PCDH9: variants seen among roughly 807,000 people sequenced by gnomAD.
PCDH9 encodes protocadherin 9, also known as protocadherin-9.
Under a neutral mutation model 70.6 loss-of-function variants are expected in PCDH9, and 24 were observed. That is an observed-to-expected ratio of 0.34 (90% confidence interval 0.25 to 0.48). PCDH9 has a LOEUF of 0.48. PCDH9 is among the 20% of genes least tolerant of loss of function. PCDH9 has a pLI of 0.99. For missense variants in PCDH9, 1,281 were observed against 1,503.6 expected (o/e 0.85, Z 2.45); for synonymous variants, 562 against 558.5 (o/e 1.01, Z -0.09).
intron 2 of PCDH9, among the ~76,000 whole-genome samples, chr13:67,182,070 T>C (rs2088630969): frequency 6.6e-6 from 1 of 152,182 alleles, no homozygotes; most frequent in Non-Finnish European, 1.5e-5. Flanking sequence ...TTTCACTTGT[T>C]ACCAACATCA....
chr13:67,054,857 T>C (rs1287307940), intron 2 of PCDH9, among the ~76,000 whole-genome samples: 1 of 152,200 alleles, frequency 6.6e-6, no homozygotes, highest in Admixed American at 6.5e-5. Context: ...TCCAGCACTC[T>C]GACTTGTAGG....
intron 4 of PCDH9, among the ~76,000 whole-genome samples, chr13:66,496,667 A>G (rs1001189802): frequency 6.6e-6 from 1 of 152,188 alleles, no homozygotes; most frequent in African/African-American, 2.4e-5. Context: ...TGGAAACAAT[A>G]TGGAACATAA....
chr13:66,697,054 C>T (rs1383594161), intron 3 of PCDH9, among the ~76,000 whole-genome samples: 1 of 152,018 alleles, frequency 6.6e-6, no homozygotes, highest in East Asian at 1.9e-4. Flanking sequence ...GCCATGATCA[C>T]ACCACTGCAC....
intron 4 of PCDH9, among the ~76,000 whole-genome samples, chr13:66,327,552 C>T (rs1955869522): frequency 2.0e-5 from 3 of 152,068 alleles, no homozygotes; most frequent in South Asian, 2.1e-4. Context: ...CAAAAATAAG[C>T]ACTATGTAAG....
At chr13:66,577,016 A>C (rs1566430852) in intron 4 of PCDH9, among the ~76,000 whole-genome samples, 1 of 152,052 alleles carries the variant, frequency 6.6e-6, no homozygotes, top group Non-Finnish European at 1.5e-5. Context: ...AACTGCTTGA[A>C]TAAAAACAAC....
At chr13:66,437,404 C>CAAAAAAAAAAAAAAAAAAAAAAAAAAA (rs66796123) in intron 4 of PCDH9, among the ~76,000 whole-genome samples, 1 of 45,600 alleles carries the variant, frequency 2.2e-5, no homozygotes, top group African/African-American at 6.9e-5. Context: ...GACTCTGTCT[C>CAAAAAAAAAAAAAAAAAAAAAAAAAAA]AAAAAAAAAA....
intron 4 of PCDH9, among the ~76,000 whole-genome samples, chr13:66,553,283 T>C (rs546201182): frequency 6.6e-6 from 1 of 152,288 alleles, no homozygotes; most frequent in Admixed American, 6.5e-5. Flanking sequence ...ACCTAGCTTA[T>C]AGCCTAGAGA....
intron 3 of PCDH9, among the ~76,000 whole-genome samples, chr13:66,675,723 C>T (rs1286263941): frequency 6.6e-6 from 1 of 152,022 alleles, no homozygotes; most frequent in Non-Finnish European, 1.5e-5. Flanking sequence ...CTAATAGGCA[C>T]TTAGCCAATA....
intron 4 of PCDH9, among the ~76,000 whole-genome samples, chr13:66,314,031 T>C (rs1955608619): frequency 6.6e-6 from 1 of 152,310 alleles, no homozygotes; most frequent in South Asian, 2.1e-4. Context: ...AATTAATATA[T>C]CACAGCTCAG....
intron 3 of PCDH9, among the ~76,000 whole-genome samples, chr13:66,860,125 T>A (rs1383869463): frequency 6.6e-6 from 1 of 152,172 alleles, no homozygotes; most frequent in East Asian, 1.9e-4. Flanking sequence ...ACAGTTTATA[T>A]TTCCAAACAA....
Position 66,304,258 on chromosome 13 carries a change from G to A in PCDH9, c.*397C>T, listed in dbSNP as rs1257699143. 1 of 14,600 alleles carries A rather than the reference G, an allele frequency of 6.8e-5. No homozygotes were observed. Among genetic ancestry groups the A allele is most frequent in the African/African-American group, 1.2e-3 (1 of 812 alleles). 0.9% of individuals were successfully genotyped at this position (14,600 alleles called of 1,614,324 possible). A position where few individuals can be genotyped will look rare whatever the true frequency, so the allele number is the denominator to read the frequency against. ...TATAGCAGTCCCAGCACAAATCAAT[G>A]ACAAAAAAAAAAAAAAAAAAAAAAA... is the stretch of plus-strand genomic sequence containing the variant. On this transcript the variant is annotated 3_prime_UTR_variant, in exon 5 of 5. Coordinates refer to ENST00000377865, the MANE Select transcript of PCDH9 (RefSeq NM_203487.3).
At chr13:67,033,585 A>C (rs1381376234) in intron 2 of PCDH9, among the ~76,000 whole-genome samples, 1 of 152,166 alleles carries the variant, frequency 6.6e-6, no homozygotes, top group South Asian at 2.1e-4. Flanking sequence ...TCAGGTCATG[A>C]TGATGGGTGC....
rs914762029 is a variant in PCDH9, at chr13:66,355,805, T to G, written c.3341-50777A>C. 2.0e-5 allele frequency among the ~76,000 whole-genome samples: 3 copies of G among 152,256 alleles called. No homozygotes were observed. The South Asian group carries it at 6.2e-4, about 32-fold the overall frequency. ...GGAGAAATGATTCAGTATTGGCTAA[T>G]TCAGTGTTCATGGAGACTTTATAGA... On this transcript the variant is annotated intron_variant, in intron 4 of 4. Transcript: ENST00000377865.
intron 3 of PCDH9, among the ~76,000 whole-genome samples, chr13:66,818,826 C>T (rs916842951): frequency 4.6e-5 from 7 of 151,726 alleles, no homozygotes; most frequent in Non-Finnish European, 8.8e-5. Context: ...CCCAGCTACA[C>T]GGGAGGCTGA....
Position 66,729,493 on chromosome 13 carries a change from T to TTA in PCDH9, c.3139-98084_3139-98083dup, listed in dbSNP as rs1447667982. 3.3e-5 allele frequency among the ~76,000 whole-genome samples: 5 copies of TTA among 152,150 alleles called. No homozygotes were observed. The East Asian group carries it at 9.6e-4, about 29-fold the overall frequency. On this transcript the variant is annotated intron_variant, in intron 3 of 4. Transcript: ENST00000377865. The stretch of plus-strand genomic sequence containing the variant: ...GTTTTACTCCCCTATTTAACAATCT[T>TTA]TATACCTTCCTCTTAGCTTCAGTAG...
At chr13:66,813,977 C>T (rs559142606) in intron 3 of PCDH9, among the ~76,000 whole-genome samples, 1 of 152,228 alleles carries the variant, frequency 6.6e-6, no homozygotes, top group Admixed American at 6.5e-5. Context: ...CACAAACTAC[C>T]AGCAGCTTAG....
intron 3 of PCDH9, among the ~76,000 whole-genome samples, chr13:66,704,027 G>A (rs1185571429): frequency 2.6e-5 from 4 of 152,234 alleles, no homozygotes; most frequent in African/African-American, 7.2e-5. Context: ...TACATGCCGC[G>A]TGGTTCATTC....
At chr13:66,574,445 T>C (rs1280996041) in intron 4 of PCDH9, among the ~76,000 whole-genome samples, 1 of 152,182 alleles carries the variant, frequency 6.6e-6, no homozygotes, top group Admixed American at 6.5e-5. Flanking sequence ...AAATTGATGA[T>C]ATACAAGCTA....
At chr13:67,050,147 G>GGA (rs1315935747) in intron 2 of PCDH9, among the ~76,000 whole-genome samples, 1 of 152,146 alleles carries the variant, frequency 6.6e-6, no homozygotes, top group East Asian at 1.9e-4. Flanking sequence ...TTTCTTCACT[G>GGA]GAGATTTGCT....
Sources: gnomAD v4.1 joint callset for allele counts (sites outside exome capture counted in the v4.1 genomes callset) on GRCh38, gnomAD v4.1.1 for gene constraint, MANE v1.5 for transcripts, NCBI Gene and HGNC (gene_info 2026-07-23, HGNC 2026-07-21) for gene names.